The following OSTC variants were observed in gnomAD, a reference collection of about 807,000 sequenced individuals.
OSTC encodes oligosaccharyltransferase complex subunit OSTC.
A neutral mutation model predicts 16.4 loss-of-function variants in OSTC; 16 were observed. The observed-to-expected ratio is 0.98, with a 90% CI of 0.66 to 1.49. OSTC has a LOEUF of 1.49. OSTC is among the 40% of genes most tolerant of loss of function. The pLI is 0.00. For missense variants in OSTC, 139 were observed against 186.3 expected, an observed-to-expected ratio of 0.75 and a Z score of 1.48; for synonymous variants, 67 against 68.5, an observed-to-expected ratio of 0.98 and a Z score of 0.11.
chr4:108,666,497 G>T (rs1478557903), intron 3 of OSTC, among the ~76,000 whole-genome samples: 5 of 151,976 alleles, frequency 3.3e-5, no homozygotes, highest in Non-Finnish European at 7.4e-5. Context: ...ATTAACTGAG[G>T]TCGGGCATTT....
At chr4:108,666,947 G>T (rs1338619747) in intron 3 of OSTC, among the ~76,000 whole-genome samples, 1 of 151,694 alleles carries the variant, frequency 6.6e-6, no homozygotes, top group Admixed American at 6.6e-5. Flanking sequence ...GGAGGTTGCA[G>T]TGAGCTGAGA....
intron 1 of OSTC, chr4:108,651,125 G>T: frequency 4.0e-6 from 1 of 248,620 alleles, no homozygotes; most frequent in South Asian, 5.6e-5. Flanking sequence ...TAAATGTCCT[G>T]GGAAAGCCTA....
intron 3 of OSTC, chr4:108,663,102 A>C (rs1004392874): frequency 4.8e-6 from 2 of 419,874 alleles, no homozygotes; most frequent in African/African-American, 2.0e-5. Flanking sequence ...TCATAATGTA[A>C]GTGTTAATCA....
intron 1 of OSTC, among the ~76,000 whole-genome samples, chr4:108,654,480 G>T (rs1328498765): frequency 6.6e-6 from 1 of 152,128 alleles, no homozygotes; most frequent in African/African-American, 2.4e-5. Flanking sequence ...ATTGCAAAAG[G>T]GATCCCACAT....
chr4:108,665,416 G>A (rs970074035), intron 3 of OSTC, among the ~76,000 whole-genome samples: 1 of 149,314 alleles, frequency 6.7e-6, no homozygotes, highest in East Asian at 2.0e-4. Context: ...GCGTTCTGAA[G>A]CCGTCAGTGA....
chr4:108,656,788 T>C (rs1011090301), intron 2 of OSTC, among the ~76,000 whole-genome samples: 3 of 152,146 alleles, frequency 2.0e-5, no homozygotes, highest in African/African-American at 7.2e-5. Flanking sequence ...GAAATTTAAA[T>C]AGCATAACTT....
At chr4:108,664,002 G>A (rs1434533914) in intron 3 of OSTC, among the ~76,000 whole-genome samples, 1 of 152,100 alleles carries the variant, frequency 6.6e-6, no homozygotes, top group Admixed American at 6.5e-5. Context: ...AAGAGAGGGG[G>A]CTAAATGATT....
In OSTC at chr4:108,650,734, A is replaced by T. The variant is rs757987429; in HGVS notation, c.79A>T (p.Met27Leu). 22 of 1,614,188 alleles carry T rather than the reference A, an allele frequency of 1.4e-5. No individual in the cohort carries two copies. Among genetic ancestry groups the T allele is most frequent in the Non-Finnish European group, 1.9e-5 (22 of 1,180,030 alleles). ...GCTGAAGAAGCCGCCCTGGTTGCACATGCCGTCGGCCATGACTGTGTATGC... is the reference window on the plus strand; with the variant it reads ...GCTGAAGAAGCCGCCCTGGTTGCACTTGCCGTCGGCCATGACTGTGTATGC... Reference protein sequence around the residue: ...LKLKKPPWLHMPSAMTVYALV... With the variant: ...LKLKKPPWLHLPSAMTVYALV... The change falls in exon 1 of 4, where the codon ATG becomes TTG. Residue 27 changes from methionine (M) to leucine (L), a missense_variant. Met to Leu is a conservative substitution (Grantham distance 15, BLOSUM62 2). Transcript: ENST00000361564.
intron 3 of OSTC, among the ~76,000 whole-genome samples, chr4:108,661,087 G>A (rs2575629): frequency 0.81 from 123,438 of 151,838 alleles, 50,503 homozygotes; most frequent in East Asian, 1. Context: ...GCGTGGTAGT[G>A]CACGCCTGTA....
chr4:108,656,709 T>G (rs1197112312), intron 2 of OSTC, among the ~76,000 whole-genome samples: 1 of 152,130 alleles, frequency 6.6e-6, no homozygotes, highest in African/African-American at 2.4e-5. Context: ...AACAAGAAGT[T>G]TATTATTATT....
chr4:108,662,254 T>C (rs967482283), intron 3 of OSTC, among the ~76,000 whole-genome samples: 1 of 152,218 alleles, frequency 6.6e-6, no homozygotes, highest in African/African-American at 2.4e-5. Flanking sequence ...TGTAATAATA[T>C]TTAAACTAAC....
At chr4:108,650,912 T>C in intron 1 of OSTC, 118 bp downstream of exon 1, 2 of 1,456,236 alleles carry the variant, frequency 1.4e-6, no homozygotes, top group Non-Finnish European at 1.9e-6. Flanking sequence ...TTTGGATCTT[T>C]TCTGAGGGTG....
At chr4:108,661,473 A>C (rs2110386483) in intron 3 of OSTC, among the ~76,000 whole-genome samples, 1 of 152,350 alleles carries the variant, frequency 6.6e-6, no homozygotes, top group East Asian at 1.9e-4. Flanking sequence ...ATGTTCGGTT[A>C]CTGAGTAGAA....
intron 2 of OSTC, 108 bp from the exon 3 acceptor site, chr4:108,657,342 A>G: frequency 1.1e-6 from 1 of 932,026 alleles, no homozygotes; most frequent in Admixed American, 2.5e-5. Flanking sequence ...GCTAAGAATA[A>G]GAAATATAGC....
At chr4:108,659,891 A>C (rs563459820) in intron 3 of OSTC, among the ~76,000 whole-genome samples, 35 of 152,210 alleles carry the variant, frequency 2.3e-4, no homozygotes, top group Non-Finnish European at 4.6e-4. Flanking sequence ...TTCTCATTCT[A>C]CCTACTGTTT....
intron 3 of OSTC, among the ~76,000 whole-genome samples, chr4:108,665,599 G>GC (rs1472848601): frequency 6.9e-6 from 1 of 145,556 alleles, no homozygotes; most frequent in Non-Finnish European, 1.5e-5. Context: ...CACTCTGTTT[G>GC]CCCAGGCTGG....
intron 2 of OSTC, among the ~76,000 whole-genome samples, chr4:108,657,022 G>C (rs1015680350): frequency 6.6e-6 from 1 of 151,376 alleles, no homozygotes; most frequent in African/African-American, 2.4e-5. Context: ...AGCCGAGATC[G>C]TGCCACAGCA....
chr4:108,654,355 A>C (rs1370496623), intron 1 of OSTC, among the ~76,000 whole-genome samples: 1 of 152,222 alleles, frequency 6.6e-6, no homozygotes, highest in East Asian at 1.9e-4. Context: ...AGCTAAGAGG[A>C]TCTGAAGTCA....
chr4:108,655,671 T>G lies in OSTC; in HGVS notation c.233+14T>G. On this transcript the variant is annotated intron_variant, in intron 2 of 3. Coordinates refer to ENST00000361564, the MANE Select transcript of OSTC (RefSeq NM_021227.4). ...CTTGGCCTACAGGTAAAAGATACCT[T>G]TTTGAATGATTTGGTGGTGGGAAAG... 1 of 1,559,390 alleles carries G rather than the reference T, an allele frequency of 6.4e-7. No individual in the cohort carries two copies. The highest frequency in any genetic ancestry group is 1.7e-4 in the Middle Eastern group (1 of 5,960).
Sources: allele counts gnomAD v4.1 joint callset (sites outside exome capture counted in the v4.1 genomes callset), GRCh38; gene constraint gnomAD v4.1.1; transcripts MANE v1.5; gene names NCBI Gene and HGNC (gene_info 2026-07-23, HGNC 2026-07-21).